The following CNNM4 variants were observed in gnomAD, a reference collection of about 807,000 sequenced individuals.
CNNM4 encodes cyclin and CBS domain divalent metal cation transport mediator 4, also known as metal transporter CNNM4.
Under a neutral mutation model 53.7 loss-of-function variants are expected in CNNM4, and 32 were observed. The observed-to-expected ratio is 0.60, with a 90% CI of 0.45 to 0.80. CNNM4 has a LOEUF of 0.80. Ranked by LOEUF, CNNM4 falls within the 30% of genes least tolerant of loss-of-function variation. The pLI is 0.00. For synonymous variants in CNNM4, 410 were observed against 440.0 expected (o/e 0.93, Z 0.85); for missense variants, 784 against 1,022.0 (o/e 0.77, Z 3.17).
chr2:96,767,783 A>T (rs905994765), intron 1 of CNNM4, among the ~76,000 whole-genome samples: 3 of 152,146 alleles, frequency 2.0e-5, no homozygotes, highest in African/African-American at 7.2e-5. Context: ...TATTTTCATT[A>T]AAAAAATCCT....
At chr2:96,806,044 C>G (rs1434048426) in intron 5 of CNNM4, among the ~76,000 whole-genome samples, 1 of 146,668 alleles carries the variant, frequency 6.8e-6, no homozygotes, top group Non-Finnish European at 1.5e-5. Context: ...GCGCCCCTCA[C>G]CTCCCGGACG....
At chr2:96,794,731 A>G (rs539103785) in intron 1 of CNNM4, among the ~76,000 whole-genome samples, 1 of 152,236 alleles carries the variant, frequency 6.6e-6, no homozygotes, top group South Asian at 2.1e-4. Flanking sequence ...GTCCAAGGTT[A>G]GGAACCCTTG....
At chr2:96,763,540 C>T (rs1338448975) in intron 1 of CNNM4, among the ~76,000 whole-genome samples, 4 of 152,190 alleles carry the variant, frequency 2.6e-5, no homozygotes, top group African/African-American at 7.2e-5. Context: ...CATAGGAGAG[C>T]TCCTACTGGC....
Position 96,797,675 on chromosome 2 carries a change from G to C in CNNM4, c.1681+28G>C, listed in dbSNP as rs1272175021. Reference sequence around the variant, plus strand: ...AGCATGAGGAGGACCTTCCGGTCTTGGTGGAAATACGGTCACGGGGGAGAA... The same window carrying C: ...AGCATGAGGAGGACCTTCCGGTCTTCGTGGAAATACGGTCACGGGGGAGAA... On this transcript the variant is annotated intron_variant, in intron 3 of 6. Coordinates refer to ENST00000377075, the MANE Select transcript of CNNM4 (RefSeq NM_020184.4). This position sits in a 1 kb window ranked among gnomAD's most constrained non-coding sequence, Gnocchi z 6.0. The C allele has an allele frequency of 1.2e-6, 2 of 1,612,870 alleles. No homozygotes were observed. The highest frequency in any genetic ancestry group is 1.7e-5 in the Admixed American group (1 of 60,016).
At chr2:96,768,589 C>T (rs143027905) in intron 1 of CNNM4, among the ~76,000 whole-genome samples, 8 of 152,192 alleles carry the variant, frequency 5.3e-5, no homozygotes, top group Middle Eastern at 3.4e-3. Context: ...GCTTGGGATT[C>T]AGGTTGATTA....
chr2:96,806,544 C>CGCGT (rs1558998077), intron 5 of CNNM4, among the ~76,000 whole-genome samples: 2 of 148,912 alleles, frequency 1.3e-5, no homozygotes, highest in Non-Finnish European at 3.0e-5. Flanking sequence ...CACGCGCGCG[C>CGCGT]GCGCGCGCGC....
intron 1 of CNNM4, among the ~76,000 whole-genome samples, chr2:96,791,382 G>A (rs148852414): frequency 0.059 from 8,923 of 151,098 alleles, 886 homozygotes; most frequent in African/African-American, 0.21. Context: ...CTGTAATCCC[G>A]GCACTTAGGG....
intron 1 of CNNM4, among the ~76,000 whole-genome samples, chr2:96,792,672 C>T (rs1028117526): frequency 3.9e-5 from 6 of 151,990 alleles, no homozygotes; most frequent in East Asian, 3.9e-4. Context: ...GGTGTGGTGG[C>T]GGGCGCCTGT....
intron 5 of CNNM4, among the ~76,000 whole-genome samples, chr2:96,805,061 T>A (rs887049240): frequency 2.0e-5 from 3 of 152,070 alleles, no homozygotes; most frequent in African/African-American, 4.8e-5. Flanking sequence ...AAAATTCAGT[T>A]CCTGTTTCTA....
rs1245256542 is a variant in CNNM4 at position 96,801,269 on chromosome 2, G to A, written c.1948+1621G>A. Reference sequence around the variant, plus strand: ...CCGCCAGACCTCAGTGGCTCTGCTTGGCTGGGGCCCAATTTCTAGGCAGCT... The same window carrying A: ...CCGCCAGACCTCAGTGGCTCTGCTTAGCTGGGGCCCAATTTCTAGGCAGCT... On this transcript the variant is annotated intron_variant, in intron 5 of 6. Coordinates refer to ENST00000377075, the MANE Select transcript of CNNM4 (RefSeq NM_020184.4). This position sits in a 1 kb window ranked among gnomAD's most constrained non-coding sequence, Gnocchi z 5.6. The A allele has an allele frequency of 2.8e-6, 1 of 361,666 alleles. No individual in the cohort carries two copies. The highest frequency in any genetic ancestry group is 1.7e-4 in the East Asian group (1 of 6,034). The allele number at this position is 361,666 out of a possible 1,614,324, so 22.4% of individuals were successfully genotyped here.
Position 96,762,861 on chromosome 2 carries a change from AG to A in CNNM4, c.1402+461del, listed in dbSNP as rs938265698. ...GAGGCAGAGGGAACCCCGCAAGCAG[AG>A]AACCGGAGTGGAGAAGCAAAAGTGT... On this transcript the variant is annotated intron_variant, in intron 1 of 6. Transcript: ENST00000377075. Among the ~76,000 whole-genome samples the A allele has an allele frequency of 5.5e-4, 84 of 152,150 alleles. 1 individual carries two copies. The highest frequency in any genetic ancestry group is 2.0e-3 in the African/African-American group (82 of 41,436).
At chr2:96,788,987 T>C (rs2079037983) in intron 1 of CNNM4, 1 of 152,360 alleles carries the variant, frequency 6.6e-6, no homozygotes, top group African/African-American at 2.4e-5. Flanking sequence ...GTAAAGTCTT[T>C]TTTTATGGAG....
rs1337895772 is a variant in CNNM4 at position 96,799,563 on chromosome 2, G to A, written c.1863G>A (p.Glu621=). The part of the protein sequence containing the change: ...YFILILQGKV[E]VEAGKENMKF... ...CTGTGTTTTTTCAGGGGAAGGTGGA[G>A]GTGGAGGCAGGGAAGGAGAACATGA... The change falls in exon 5 of 7, where the codon GAG becomes GAA. Residue 621 remains glutamate, a synonymous_variant. Coordinates refer to ENST00000377075, the MANE Select transcript of CNNM4 (RefSeq NM_020184.4). The A allele has an allele frequency of 1.9e-6, 3 of 1,555,012 alleles. No homozygotes were observed. Among genetic ancestry groups the A allele is most frequent in the East Asian group, 4.9e-5 (2 of 41,210 alleles).
At chr2:96,774,799 A>G (rs572975631) in intron 1 of CNNM4, among the ~76,000 whole-genome samples, 1 of 152,008 alleles carries the variant, frequency 6.6e-6, no homozygotes, top group Admixed American at 6.6e-5. Context: ...CCACATCTCT[A>G]CTAAAAATAC....
At chr2:96,793,968 T>A (rs1200843812) in intron 1 of CNNM4, among the ~76,000 whole-genome samples, 1 of 152,012 alleles carries the variant, frequency 6.6e-6, no homozygotes, top group Non-Finnish European at 1.5e-5. Flanking sequence ...AGAGTCTGTC[T>A]CAAAAAAAAT....
At chr2:96,802,156 A>T (rs941824487) in intron 5 of CNNM4, among the ~76,000 whole-genome samples, 1 of 151,634 alleles carries the variant, frequency 6.6e-6, no homozygotes, top group Non-Finnish European at 1.5e-5. Flanking sequence ...ACAGACACAC[A>T]CAGATACACC....
intron 4 of CNNM4, 68 bp downstream of exon 4, chr2:96,799,294 CT>C (rs2079136764): frequency 1.9e-6 from 3 of 1,584,358 alleles, no homozygotes; most frequent in Non-Finnish European, 2.6e-6. Context: ...CAGGCCCTCT[CT>C]CCCACCTGCT....
chr2:96,809,694 T>A lies in CNNM4; in HGVS notation c.*177T>A. ...TCTGCCAGGGACCTCTGAGTAGCTC[T>A]GAGGTGGCACTGTCCAGCCCTGGAT... is the stretch of plus-strand genomic sequence containing the variant. On this transcript the variant is annotated 3_prime_UTR_variant, in exon 7 of 7. Coordinates refer to ENST00000377075, the MANE Select transcript of CNNM4 (RefSeq NM_020184.4). 3 of 623,926 alleles carry A rather than the reference T, an allele frequency of 4.8e-6. No individual in the cohort carries two copies. The highest frequency in any genetic ancestry group is 8.4e-6 in the Non-Finnish European group (3 of 355,528). The allele number at this position is 623,926 out of a possible 1,614,324, so 38.6% of individuals were successfully genotyped here.
intron 1 of CNNM4, among the ~76,000 whole-genome samples, chr2:96,787,239 A>G (rs1467838117): frequency 6.6e-6 from 1 of 152,230 alleles, no homozygotes; most frequent in Non-Finnish European, 1.5e-5. Context: ...CATACTGCCA[A>G]ATTTCTGAAG....
Sources: gnomAD v4.1 joint callset for allele counts (sites outside exome capture counted in the v4.1 genomes callset) on GRCh38, gnomAD v4.1.1 for gene constraint, Gnocchi (gnomAD v3.1) non-coding constraint, MANE v1.5 for transcripts, NCBI Gene and HGNC (gene_info 2026-07-23, HGNC 2026-07-21) for gene names.